The following ARFGEF1 variants were observed in gnomAD, a reference collection of about 807,000 sequenced individuals.
ARFGEF1 encodes the protein brefeldin A-inhibited guanine nucleotide-exchange protein 1.
A neutral mutation model predicts 231.0 loss-of-function variants in ARFGEF1; 42 were observed. That is an observed-to-expected ratio of 0.18 (90% CI 0.14 to 0.24). The LOEUF (loss-of-function observed/expected upper bound fraction) is 0.24, where lower values mean the gene tolerates loss of function less well. Ranked by LOEUF, ARFGEF1 falls within the 10% of genes least tolerant of loss-of-function variation. The pLI, the probability that ARFGEF1 is intolerant of heterozygous loss-of-function variation, is 1.00. For missense variants in ARFGEF1, 1,345 were observed against 2,192.0 expected, an observed-to-expected ratio of 0.61 and a Z score of 7.72; for synonymous variants, 710 against 732.3, an observed-to-expected ratio of 0.97 and a Z score of 0.49.
chr8:67,176,709 G>A (rs1311344073), intron 5 of ARFGEF1, among the ~76,000 whole-genome samples: 1 of 152,074 alleles, frequency 6.6e-6, no homozygotes, highest in African/African-American at 2.4e-5. Flanking sequence ...TAGCACTGAA[G>A]GTATCTATCT....
chr8:67,316,250 A>G (rs1200275619), intron 1 of ARFGEF1, among the ~76,000 whole-genome samples: 1 of 152,224 alleles, frequency 6.6e-6, no homozygotes, highest in African/African-American at 2.4e-5. Context: ...GAATAGTCCT[A>G]TAACTATTAA....
Position 67,311,553 on chromosome 8 carries a change from G to A in ARFGEF1, c.125-9087C>T, listed in dbSNP as rs1209209191. Among the ~76,000 whole-genome samples, 94 of 147,140 alleles carry A rather than the reference G, an allele frequency of 6.4e-4. 2 individuals carry two copies. The highest frequency in any genetic ancestry group is 4.2e-4 in the East Asian group (2 of 4,734). ...CCCTGCCTGGCCAGCCGCCCAGTCT[G>A]GGAGGGAGATGGGGGGGTCAGCCCC... On this transcript the variant is annotated intron_variant, in intron 1 of 38. Coordinates refer to ENST00000262215, the MANE Select transcript of ARFGEF1 (RefSeq NM_006421.5).
chr8:67,252,504 A>G (rs993261813), intron 18 of ARFGEF1, among the ~76,000 whole-genome samples: 2 of 152,094 alleles, frequency 1.3e-5, no homozygotes, highest in African/African-American at 4.8e-5. Flanking sequence ...AGGATGATAC[A>G]ATATATAATA....
intron 24 of ARFGEF1, 33 bp downstream of exon 24, chr8:67,228,191 C>A (rs1319406925): frequency 6.2e-7 from 1 of 1,607,764 alleles, no homozygotes; most frequent in Non-Finnish European, 8.5e-7. Context: ...AGCCCCAAGC[C>A]AGTTCCGAAG....
At chr8:67,188,804 G>A (rs889253168) in intron 5 of ARFGEF1, among the ~76,000 whole-genome samples, 10 of 152,164 alleles carry the variant, frequency 6.6e-5, no homozygotes, top group African/African-American at 1.2e-4. Context: ...GTTCCTGCAC[G>A]GCTAAGTGCC....
intron 1 of ARFGEF1, among the ~76,000 whole-genome samples, chr8:67,332,020 A>G (rs1405900890): frequency 6.6e-6 from 1 of 152,218 alleles, no homozygotes; most frequent in African/African-American, 2.4e-5. Flanking sequence ...TCTGTGCAGC[A>G]AAACTTAAAT....
chr8:67,265,889 A>T, intron 14 of ARFGEF1, 117 bp downstream of exon 14: 1 of 907,274 alleles, frequency 1.1e-6, no homozygotes, highest in Non-Finnish European at 1.7e-6. Flanking sequence ...CGTGAATTAG[A>T]TCCATGAGAA....
intron 5 of ARFGEF1, among the ~76,000 whole-genome samples, chr8:67,293,582 GAGGAAGGTCTTTA>G (rs1410291723): frequency 6.6e-6 from 1 of 152,148 alleles, no homozygotes; most frequent in African/African-American, 2.4e-5. Context: ...AAAAAAGAAT[GAGGAAGGTCTTTA>G]AGGACTGATA....
intron 5 of ARFGEF1, among the ~76,000 whole-genome samples, chr8:67,176,325 G>A (rs1470933380): frequency 6.6e-6 from 1 of 152,160 alleles, no homozygotes; most frequent in Admixed American, 6.5e-5. Context: ...TGGGAGGCTG[G>A]TCTGGCTTGC....
At chr8:67,195,839 CTGGAT>C (rs527802680), downstream of ARFGEF1, 5 of 447,928 alleles carry the variant, frequency 1.1e-5, no homozygotes, top group Non-Finnish European at 2.0e-5. Flanking sequence ...TGGTAATGAA[CTGGAT>C]TGAACTACTA....
At chr8:67,253,406 T>A in intron 18 of ARFGEF1, 45 bp downstream of exon 18, 1 of 1,384,498 alleles carries the variant, frequency 7.2e-7, no homozygotes, top group Non-Finnish European at 9.9e-7. Context: ...GGAACCCATA[T>A]TTTTCCCCTT....
rs529559297 is a variant in ARFGEF1, at chr8:67,260,111, A to G, written c.2124-185T>C. Reference sequence around the variant, plus strand: ...TTTCTTTATTCTTTTCTTTTTAGAAATAAGTCTCATATGGAAGGCCATCTT... The same window carrying G: ...TTTCTTTATTCTTTTCTTTTTAGAAGTAAGTCTCATATGGAAGGCCATCTT... On this transcript the variant is annotated intron_variant, in intron 14 of 38. Transcript: ENST00000262215. 2.6e-5 allele frequency among the ~76,000 whole-genome samples: 4 copies of G among 152,330 alleles called. No individual in the cohort carries two copies. The East Asian group carries it at 7.7e-4, about 29-fold the overall frequency.
At chr8:67,305,947 T>C (rs1473318741) in intron 1 of ARFGEF1, among the ~76,000 whole-genome samples, 1 of 152,246 alleles carries the variant, frequency 6.6e-6, no homozygotes, top group Non-Finnish European at 1.5e-5. Flanking sequence ...ATTTTCAGTT[T>C]GAAGTTCGAC....
At chr8:67,174,370 T>G (rs536979677), downstream of ARFGEF1, 2 of 152,318 alleles carry the variant, frequency 1.3e-5, no homozygotes, top group South Asian at 4.1e-4. Flanking sequence ...TTAGGATCAT[T>G]TCTTTATATT....
chr8:67,198,434 CAGAT>C lies in ARFGEF1; in HGVS notation c.*496_*499del, dbSNP rs1410121258. 3.0e-6 allele frequency: 3 copies of C among 986,566 alleles called. No homozygotes were observed. Among genetic ancestry groups the C allele is most frequent in the Non-Finnish European group, 3.6e-6 (3 of 830,566 alleles). 61.1% of individuals were successfully genotyped at this position (986,566 alleles called of 1,614,324 possible). On this transcript the variant is annotated 3_prime_UTR_variant, in exon 39 of 39. Transcript: ENST00000262215. ...TTTCACAGGATGATTACCAGTATCT[CAGAT>C]AGCCTGAGTGTGCAAAAATCTTCAG...
At chr8:67,185,798 T>C (rs1167297048) in intron 5 of ARFGEF1, among the ~76,000 whole-genome samples, 1 of 151,716 alleles carries the variant, frequency 6.6e-6, no homozygotes, top group Non-Finnish European at 1.5e-5. Flanking sequence ...AGTGAAGAAA[T>C]CTATACAAGA....
chr8:67,296,047 T>G (rs924892713), intron 5 of ARFGEF1, among the ~76,000 whole-genome samples: 3 of 152,178 alleles, frequency 2.0e-5, no homozygotes, highest in African/African-American at 7.2e-5. Context: ...ACGTATTTCA[T>G]CAATATGGAA....
chr8:67,340,098 T>C (rs2128939336), intron 1 of ARFGEF1, among the ~76,000 whole-genome samples: 1 of 152,126 alleles, frequency 6.6e-6, no homozygotes, highest in Admixed American at 6.5e-5. Context: ...TAATTGGCCA[T>C]ATGTTAAAAG....
chr8:67,238,682 C>A, intron 21 of ARFGEF1, 53 bp downstream of exon 21: 1 of 1,578,528 alleles, frequency 6.3e-7, no homozygotes, highest in South Asian at 1.1e-5. Flanking sequence ...GACTATTTAG[C>A]ATTAGCTCAT....
Sources: allele counts gnomAD v4.1 joint callset (sites outside exome capture counted in the v4.1 genomes callset), GRCh38; gene constraint gnomAD v4.1.1; transcripts MANE v1.5; gene names NCBI Gene and HGNC (gene_info 2026-07-23, HGNC 2026-07-21).